CD48: variants seen among roughly 807,000 people sequenced by gnomAD.
CD48 encodes the protein CD48 molecule, also known as CD48 antigen.
In CD48, 20 loss-of-function variants were observed where a neutral mutation model predicts 22.0. That is an observed-to-expected ratio of 0.91 (90% CI 0.64 to 1.32). The LOEUF is 1.32. Among genes scored for constraint, CD48 ranks in the 40% most tolerant of loss-of-function variants. CD48 has a pLI of 0.00. For missense variants in CD48, 307 were observed against 286.5 expected (o/e 1.07, Z -0.52); for synonymous variants, 110 against 110.1 (o/e 1.00, Z 0.01).
chr1:160,699,699 T>C (rs1662562100), intron 1 of CD48: 1 of 152,076 alleles, frequency 6.6e-6, no homozygotes, highest in African/African-American at 2.4e-5. Context: ...TGTGTATGCA[T>C]ATCTAAAAGC....
intron 2 of CD48, chr1:160,684,084 G>A (rs1235357771): frequency 6.6e-6 from 1 of 152,174 alleles, no homozygotes; most frequent in African/African-American, 2.4e-5. Flanking sequence ...AAAATGGCAG[G>A]AATCCAAATC....
intron 1 of CD48, among the ~76,000 whole-genome samples, chr1:160,687,742 CAG>C (rs1475644063): frequency 2.0e-5 from 3 of 152,168 alleles, no homozygotes; most frequent in Non-Finnish European, 4.4e-5. Context: ...TGATTAAACA[CAG>C]AAACATATTC....
intron 1 of CD48, among the ~76,000 whole-genome samples, chr1:160,709,571 G>C (rs533266965): frequency 6.6e-6 from 1 of 152,102 alleles, no homozygotes. Context: ...TGGGGAATTG[G>C]GTAGTTGTGG....
At chr1:160,708,979 G>A (rs1662872450) in intron 1 of CD48, among the ~76,000 whole-genome samples, 1 of 152,138 alleles carries the variant, frequency 6.6e-6, no homozygotes, top group African/African-American at 2.4e-5. Context: ...CTCTGTTCAG[G>A]CAGTAGCCCT....
intron 1 of CD48, among the ~76,000 whole-genome samples, chr1:160,708,666 G>T (rs1323440366): frequency 1.3e-5 from 2 of 152,176 alleles, no homozygotes; most frequent in Non-Finnish European, 2.9e-5. Context: ...GACAAGTGGA[G>T]ATGTCATTTA....
At chr1:160,697,181 T>C (rs1315000445) in intron 1 of CD48, among the ~76,000 whole-genome samples, 1 of 148,756 alleles carries the variant, frequency 6.7e-6, no homozygotes, top group African/African-American at 2.5e-5. Context: ...AAATAAGACA[T>C]GGGAAATAGG....
In CD48 at chr1:160,684,872, G is replaced by T. The variant is rs1661934624; in HGVS notation, c.385+15C>A. On this transcript the variant is annotated intron_variant, in intron 2 of 3. Coordinates refer to ENST00000368046, the MANE Select transcript of CD48 (RefSeq NM_001778.4). ...CACTGGAGTGGGGATTTGCTCTTTG[G>T]CTCCCCTGACTCACCAAGCACTTGC... The T allele has an allele frequency of 1.9e-6, 3 of 1,613,806 alleles. No homozygotes were observed. Among genetic ancestry groups the T allele is most frequent in the African/African-American group, 2.7e-5 (2 of 74,800 alleles).
chr1:160,700,103 T>C (rs1421965025), intron 1 of CD48, among the ~76,000 whole-genome samples: 1 of 152,054 alleles, frequency 6.6e-6, no homozygotes, highest in Non-Finnish European at 1.5e-5. Context: ...GTATAAGAGG[T>C]AGAAATAAGT....
chr1:160,707,582 G>A (rs1335626964), intron 1 of CD48, among the ~76,000 whole-genome samples: 2 of 152,108 alleles, frequency 1.3e-5, no homozygotes, highest in Admixed American at 1.3e-4. Context: ...AAGTTGAAGG[G>A]CTTCCTGCCT....
chr1:160,707,947 G>A (rs910492277), intron 1 of CD48, among the ~76,000 whole-genome samples: 3 of 152,126 alleles, frequency 2.0e-5, no homozygotes, highest in African/African-American at 7.2e-5. Context: ...GATAGATGTG[G>A]CTCCTTCCCT....
chr1:160,698,887 G>A (rs1274304813), intron 1 of CD48: 2 of 152,648 alleles, frequency 1.3e-5, no homozygotes. Flanking sequence ...CTTGGATTAA[G>A]ACCATCAGAA....
chr1:160,692,125 C>T (rs540850661), intron 1 of CD48: 1 of 153,218 alleles, frequency 6.5e-6, no homozygotes, highest in East Asian at 1.9e-4. Context: ...TATCATTCCA[C>T]TTACAGTATG....
rs533229588 is a variant in CD48, at chr1:160,698,430, C to T, written c.83-13241G>A. Among the ~76,000 whole-genome samples, 433 of 152,236 alleles carry T rather than the reference C, an allele frequency of 2.8e-3. 4 individuals are homozygous for T. The highest frequency in any genetic ancestry group is 9.9e-3 in the African/African-American group (411 of 41,528). On this transcript the variant is annotated intron_variant, in intron 1 of 3. Transcript: ENST00000368046. ...ATTGCAGTGATTATGGGATTAATTGCAGTCACAGCTACGGCTGCTGTGGCA... is the reference window on the plus strand; with the variant it reads ...ATTGCAGTGATTATGGGATTAATTGTAGTCACAGCTACGGCTGCTGTGGCA...
At chr1:160,687,428 G>T (rs374751348) in intron 1 of CD48, among the ~76,000 whole-genome samples, 15 of 152,256 alleles carry the variant, frequency 9.9e-5, no homozygotes, top group Middle Eastern at 3.4e-3. Context: ...AATCACAAGG[G>T]TATTGACTGG....
At chr1:160,687,254 T>A (rs1445857820) in intron 1 of CD48, among the ~76,000 whole-genome samples, 6 of 146,406 alleles carry the variant, frequency 4.1e-5, no homozygotes, top group Non-Finnish European at 9.3e-5. Flanking sequence ...TTCCTAAACA[T>A]TGCTGTTATC....
At chr1:160,686,104 T>C (rs1209846247) in intron 1 of CD48, among the ~76,000 whole-genome samples, 1 of 152,134 alleles carries the variant, frequency 6.6e-6, no homozygotes. Context: ...AATTTCTTTA[T>C]AGCTATTTTT....
intron 1 of CD48, among the ~76,000 whole-genome samples, chr1:160,693,069 T>A (rs2102417309): frequency 6.6e-6 from 1 of 152,398 alleles, no homozygotes; most frequent in Middle Eastern, 3.4e-3. Flanking sequence ...GCAGATCAAC[T>A]ATTAGGAACA....
chr1:160,688,715 G>A (rs530104905), intron 1 of CD48, among the ~76,000 whole-genome samples: 2 of 152,278 alleles, frequency 1.3e-5, no homozygotes, highest in South Asian at 4.1e-4. Context: ...GGCTCAGAAT[G>A]GGGAGTATCA....
intron 1 of CD48, among the ~76,000 whole-genome samples, chr1:160,707,764 C>T (rs966355150): frequency 3.9e-5 from 6 of 152,154 alleles, no homozygotes; most frequent in Non-Finnish European, 8.8e-5. Flanking sequence ...GAGACCCCAG[C>T]TTGACTGAAA....
Sources: allele counts gnomAD v4.1 joint callset (sites outside exome capture counted in the v4.1 genomes callset), GRCh38; gene constraint gnomAD v4.1.1; transcripts MANE v1.5; gene names NCBI Gene and HGNC (gene_info 2026-07-23, HGNC 2026-07-21).